Variants in TTC3 observed in about 807,000 individuals in gnomAD.
The protein encoded by TTC3 is E3 ubiquitin-protein ligase TTC3.
In TTC3, 180 loss-of-function variants were observed where a neutral mutation model predicts 249.6. That is an observed-to-expected ratio of 0.72 (90% CI 0.64 to 0.82). The LOEUF (loss-of-function observed/expected upper bound fraction) is 0.82. Among genes scored for constraint, TTC3 ranks in the 40% least tolerant of loss-of-function variants. The pLI is 0.00. For synonymous variants in TTC3, 717 were observed against 805.0 expected (o/e 0.89, Z 1.85); for missense variants, 2,061 against 2,398.4 (o/e 0.86, Z 2.94).
At chr21:37,092,458 C>T (rs908962386) in intron 7 of TTC3, among the ~76,000 whole-genome samples, 1 of 152,186 alleles carries the variant, frequency 6.6e-6, no homozygotes, top group Non-Finnish European at 1.5e-5. Context: ...AGGTACACCT[C>T]TTTAGGCTTA....
intron 11 of TTC3, among the ~76,000 whole-genome samples, chr21:37,119,783 GA>G (rs2076439317): frequency 6.6e-6 from 1 of 152,134 alleles, no homozygotes; most frequent in African/African-American, 2.4e-5. Context: ...AGGTAGGAGG[GA>G]AAAATCAAGT....
chr21:37,087,778 T>G, intron 2 of TTC3, 55 bp from the exon 3 acceptor site: 1 of 1,383,646 alleles, frequency 7.2e-7, no homozygotes, highest in South Asian at 1.2e-5. Flanking sequence ...ATCCTTAGAT[T>G]AAAAATCAAG....
intron 16 of TTC3, among the ~76,000 whole-genome samples, chr21:37,131,081 G>T (rs1372344545): frequency 6.6e-6 from 1 of 152,124 alleles, no homozygotes; most frequent in Non-Finnish European, 1.5e-5. Flanking sequence ...CCCAGTTCCT[G>T]GTACAGAGCT....
exon 41 of TTC3, chr21:37,192,148 G>T: frequency 6.2e-7 from 1 of 1,607,206 alleles, no homozygotes; most frequent in Non-Finnish European, 8.5e-7. Context: ...AATTAAAAAT[G>T]GTTCTCGGCT....
intron 20 of TTC3, among the ~76,000 whole-genome samples, chr21:37,141,725 C>T (rs1438405870): frequency 6.6e-6 from 1 of 152,144 alleles, no homozygotes; most frequent in East Asian, 1.9e-4. Flanking sequence ...GCTGAGATTG[C>T]ACCACTGTAC....
chr21:37,172,559 T>A lies in TTC3; in HGVS notation c.4468-36T>A, dbSNP rs778844861. ...CAAGATCATAAGTAGGCATTTTAAA[T>A]GATTTTTAATAGATTGTTTTGTAAT... On this transcript the variant is annotated intron_variant, in intron 34 of 45. Transcript: ENST00000355666. 8.8e-6 allele frequency: 14 copies of A among 1,586,288 alleles called. No individual in the cohort carries two copies. In the African/African-American group the frequency reaches 1.5e-4, roughly 17 times the overall value.
At chr21:37,129,627 C>T (rs575095799) in intron 16 of TTC3, among the ~76,000 whole-genome samples, 68 of 152,084 alleles carry the variant, frequency 4.5e-4, no homozygotes, top group African/African-American at 1.6e-3. Context: ...TAATTGCCTC[C>T]TATCTTTTTT....
At chr21:37,157,888 A>G (rs2080266252) in intron 28 of TTC3, among the ~76,000 whole-genome samples, 1 of 152,198 alleles carries the variant, frequency 6.6e-6, no homozygotes, top group Non-Finnish European at 1.5e-5. Context: ...TTCATACTAT[A>G]TGAACATATT....
At chr21:37,112,894 A>T (rs528055745) in intron 11 of TTC3, among the ~76,000 whole-genome samples, 6 of 152,352 alleles carry the variant, frequency 3.9e-5, no homozygotes, top group Non-Finnish European at 7.3e-5. Flanking sequence ...AACATATGAA[A>T]ATCAATAAAT....
chr21:37,153,280 A>G lies in TTC3; in HGVS notation c.2740+3A>G, dbSNP rs768816997. The G allele has an allele frequency of 2.5e-6, 4 of 1,603,886 alleles. No homozygotes were observed. In the South Asian group the frequency reaches 3.4e-5, roughly 14 times the overall value. On this transcript the variant is annotated splice_donor_region_variant and intron_variant, in intron 27 of 45. Transcript: ENST00000355666. ...GATCCAAAAACTTAATAGCTTTGGT[A>G]TGTCCCTTTATATTCCAGAGCAATA...
chr21:37,113,610 C>T (rs139639089), intron 11 of TTC3, among the ~76,000 whole-genome samples: 375 of 152,250 alleles, frequency 2.5e-3, no homozygotes, highest in Non-Finnish European at 4.4e-3. Context: ...GCCATATTGC[C>T]CAAGGTAATT....
chr21:37,157,994 A>G (rs2080278513), intron 28 of TTC3: 11 of 307,642 alleles, frequency 3.6e-5, no homozygotes, highest in Non-Finnish European at 5.2e-5. Context: ...TAAAGGGTAC[A>G]TTAAAAGGTC....
intron 28 of TTC3, 156 bp downstream of exon 28, chr21:37,157,062 AT>A (rs1256937042): frequency 7.5e-6 from 10 of 1,338,844 alleles, no homozygotes; most frequent in Admixed American, 7.2e-5. Flanking sequence ...AACAGTAGCA[AT>A]TTTTTTATAT....
intron 16 of TTC3, among the ~76,000 whole-genome samples, chr21:37,129,550 T>C (rs116915784): frequency 6.6e-6 from 1 of 152,238 alleles, no homozygotes. Flanking sequence ...GGAAAATCTT[T>C]CCTAATGAAT....
chr21:37,106,927 A>G (rs2075133080), intron 10 of TTC3, among the ~76,000 whole-genome samples: 2 of 152,104 alleles, frequency 1.3e-5, no homozygotes, highest in Admixed American at 1.3e-4. Flanking sequence ...TGGATGTCCA[A>G]TTGACCCAGC....
intron 1 of TTC3, among the ~76,000 whole-genome samples, chr21:37,079,931 A>G (rs918640469): frequency 3.3e-5 from 5 of 152,152 alleles, no homozygotes; most frequent in Non-Finnish European, 7.3e-5. Context: ...TTTCTTGATC[A>G]GTCTTAGTAA....
Position 37,094,067 on chromosome 21 carries a change from C to CA in TTC3, c.667dup (p.Ser223LysfsTer18). 3 of 1,605,370 alleles carry CA rather than the reference C, an allele frequency of 1.9e-6. No homozygotes were observed. The highest frequency in any genetic ancestry group is 1.7e-6 in the Non-Finnish European group (2 of 1,174,054). On this transcript the variant is annotated frameshift_variant, in exon 8 of 46. Transcript: ENST00000355666. LOFTEE classifies it high-confidence loss of function. ...CAATTTGCTTGAAGAACTTAAAACT[C>CA]AAAGTTGTATGGATTGTATAGAGGT...
rs2079505327 is a variant in TTC3, at chr21:37,151,913, A to G, written c.2297A>G (p.Lys766Arg). Residue 766 changes from lysine to arginine, a missense_variant, in exon 26 of 46, where the codon AAA (lysine) becomes AGA (arginine). Lys to Arg is a conservative substitution (Grantham distance 26). Transcript: ENST00000355666. ...ATCAGCCTAGAGAAACTAAGACTGAAAGAAGACAAAAAATTGAAGAGAAAG... is the reference window on the plus strand; with the variant it reads ...ATCAGCCTAGAGAAACTAAGACTGAGAGAAGACAAAAAATTGAAGAGAAAG... The G allele has an allele frequency of 1.9e-6, 3 of 1,598,916 alleles. No individual in the cohort carries two copies. Among genetic ancestry groups the G allele is most frequent in the Non-Finnish European group, 2.6e-6 (3 of 1,176,064 alleles).
At chr21:37,170,527 C>G (rs556257587) in intron 34 of TTC3, among the ~76,000 whole-genome samples, 149 of 152,240 alleles carry the variant, frequency 9.8e-4, no homozygotes, top group Admixed American at 2.5e-3. Context: ...TTTGTTTTGT[C>G]TGTATTTGAA....
Sources: gnomAD v4.1 joint callset for allele counts (sites outside exome capture counted in the v4.1 genomes callset) on GRCh38, gnomAD v4.1.1 for gene constraint, MANE v1.5 for transcripts, NCBI Gene and HGNC (gene_info 2026-07-23, HGNC 2026-07-21) for gene names.